The following LRRC4C variants were observed in gnomAD, a reference collection of about 807,000 sequenced individuals.
LRRC4C encodes leucine-rich repeat-containing protein 4C.
LRRC4C carries 5 observed loss-of-function variants against 33.6 expected under a neutral mutation model. That is an observed-to-expected ratio of 0.15 (90% CI 0.08 to 0.31). LRRC4C has a LOEUF of 0.31. Ranked by LOEUF, LRRC4C falls within the 10% of genes least tolerant of loss-of-function variation. The probability of loss-of-function intolerance (pLI) is 1.00; values close to 1 mark genes in which losing one functional copy is unlikely to be tolerated. For missense variants in LRRC4C, 560 were observed against 796.7 expected (o/e 0.70, Z 3.58); for synonymous variants, 329 against 302.0 (o/e 1.09, Z -0.93).
chr11:40,859,314 G>A (rs1265631812), intron 2 of LRRC4C, among the ~76,000 whole-genome samples: 1 of 152,000 alleles, frequency 6.6e-6, no homozygotes, highest in African/African-American at 2.4e-5. Context: ...GGAGATTATG[G>A]TAGTGAAGGA....
chr11:40,267,912 A>G (rs1281635262), intron 4 of LRRC4C, among the ~76,000 whole-genome samples: 2 of 152,182 alleles, frequency 1.3e-5, no homozygotes, highest in Admixed American at 1.3e-4. Context: ...ACTTCCTGCA[A>G]TTACTGACTT....
chr11:40,676,439 G>A (rs1944406515), intron 2 of LRRC4C, among the ~76,000 whole-genome samples: 1 of 152,172 alleles, frequency 6.6e-6, no homozygotes, highest in African/African-American at 2.4e-5. Context: ...GAAAACCAGT[G>A]AGGGAATCTC....
intron 3 of LRRC4C, among the ~76,000 whole-genome samples, chr11:40,608,970 A>G (rs929103378): frequency 2.6e-5 from 4 of 152,146 alleles, no homozygotes; most frequent in Non-Finnish European, 5.9e-5. Flanking sequence ...GAGCAACACA[A>G]TCATAGTAGG....
intron 3 of LRRC4C, among the ~76,000 whole-genome samples, chr11:40,553,337 T>A (rs1957202605): frequency 6.6e-6 from 1 of 152,130 alleles, no homozygotes; most frequent in African/African-American, 2.4e-5. Context: ...TTGATAATTT[T>A]TATAGAACTA....
intron 2 of LRRC4C, among the ~76,000 whole-genome samples, chr11:40,804,134 C>G (rs1174444882): frequency 6.6e-6 from 1 of 151,974 alleles, no homozygotes; most frequent in Non-Finnish European, 1.5e-5. Context: ...GTAAAAATGG[C>G]CCTTTTCCTA....
rs1025313027 is a variant in LRRC4C, at chr11:40,450,697, T to G, written c.-269-130976A>C. 2.0e-5 allele frequency among the ~76,000 whole-genome samples: 3 copies of G among 150,962 alleles called. No individual in the cohort carries two copies. The East Asian group carries it at 5.8e-4, about 29-fold the overall frequency. On this transcript the variant is annotated intron_variant, in intron 3 of 6. Transcript: ENST00000528697. The stretch of plus-strand genomic sequence containing the variant: ...TATAAGGCCTTAAAACATTCATTAA[T>G]ATATTTAAAGAATTGGAATCACTCC...
intron 1 of LRRC4C, among the ~76,000 whole-genome samples, chr11:41,059,288 AAC>A: frequency 6.6e-6 from 1 of 151,314 alleles, no homozygotes; most frequent in Admixed American, 6.6e-5. Flanking sequence ...CAACAACAAC[AAC>A]AAAAAACTTA....
At chr11:40,963,686 C>T (rs1347374051) in intron 1 of LRRC4C, among the ~76,000 whole-genome samples, 1 of 151,692 alleles carries the variant, frequency 6.6e-6, no homozygotes, top group Non-Finnish European at 1.5e-5. Context: ...AGCTCTCCTA[C>T]CAAAAAGCAC....
At chr11:40,733,579 A>G (rs2136817801) in intron 2 of LRRC4C, among the ~76,000 whole-genome samples, 1 of 152,270 alleles carries the variant, frequency 6.6e-6, no homozygotes, top group African/African-American at 2.4e-5. Flanking sequence ...ATCATATACT[A>G]TCTCTTCTCT....
At chr11:40,485,100 A>G (rs1251574209) in intron 3 of LRRC4C, among the ~76,000 whole-genome samples, 1 of 152,058 alleles carries the variant, frequency 6.6e-6, no homozygotes, top group Non-Finnish European at 1.5e-5. Flanking sequence ...TGATAGCAGG[A>G]AGAGCTCAAA....
chr11:40,499,268 G>T (rs1954623683), intron 3 of LRRC4C, among the ~76,000 whole-genome samples: 1 of 152,116 alleles, frequency 6.6e-6, no homozygotes, highest in African/African-American at 2.4e-5. Flanking sequence ...CAAGCCCCTA[G>T]ATTGAACTTG....
intron 1 of LRRC4C, among the ~76,000 whole-genome samples, chr11:41,069,198 G>A (rs981194049): frequency 4.6e-5 from 7 of 152,030 alleles, no homozygotes; most frequent in African/African-American, 1.5e-4. Flanking sequence ...AGACAGAAAA[G>A]GCCTTCAATA....
chr11:40,924,814 G>A (rs749565659), intron 2 of LRRC4C, among the ~76,000 whole-genome samples: 1 of 152,034 alleles, frequency 6.6e-6, no homozygotes, highest in Non-Finnish European at 1.5e-5. Context: ...ATCTCTCAAA[G>A]GCTAAAATAA....
intron 2 of LRRC4C, among the ~76,000 whole-genome samples, chr11:40,864,685 T>G (rs867868236): frequency 1.3e-5 from 2 of 152,214 alleles, no homozygotes; most frequent in Non-Finnish European, 2.9e-5. Context: ...GGCAAAGACA[T>G]GGCTACCACA....
At chr11:40,120,485 C>T (rs1855746706) in intron 6 of LRRC4C, among the ~76,000 whole-genome samples, 1 of 152,016 alleles carries the variant, frequency 6.6e-6, no homozygotes, top group African/African-American at 2.4e-5. Flanking sequence ...TTACATATGC[C>T]CTCTCTCCCT....
At chr11:40,880,267 G>A (rs574762963) in intron 2 of LRRC4C, among the ~76,000 whole-genome samples, 1 of 152,060 alleles carries the variant, frequency 6.6e-6, no homozygotes, top group African/African-American at 2.4e-5. Context: ...CCAGAAACTA[G>A]GATTCAATTT....
At chr11:40,205,810 T>C (rs1408887005) in intron 5 of LRRC4C, among the ~76,000 whole-genome samples, 2 of 152,172 alleles carry the variant, frequency 1.3e-5, no homozygotes. Context: ...TACAAGTATG[T>C]TAATAGTTGA....
At chr11:40,660,905 A>C (rs1943398862) in intron 2 of LRRC4C, among the ~76,000 whole-genome samples, 1 of 152,222 alleles carries the variant, frequency 6.6e-6, no homozygotes. Context: ...ACAAATAATA[A>C]ATTTAATAGA....
chr11:40,560,363 G>C (rs992480222), intron 3 of LRRC4C, among the ~76,000 whole-genome samples: 2 of 151,846 alleles, frequency 1.3e-5, no homozygotes, highest in South Asian at 4.2e-4. Flanking sequence ...AAATATTCAC[G>C]GACTTCCTAG....
Sources: allele counts gnomAD v4.1 joint callset (sites outside exome capture counted in the v4.1 genomes callset), GRCh38; gene constraint gnomAD v4.1.1; transcripts MANE v1.5; gene names NCBI Gene and HGNC (gene_info 2026-07-23, HGNC 2026-07-21).